The following PSMA1 variants were observed in gnomAD, a reference collection of about 807,000 sequenced individuals.
PSMA1 encodes proteasome subunit alpha type-1.
PSMA1 carries 3 observed loss-of-function variants against 38.4 expected under a neutral mutation model. The observed-to-expected ratio is 0.08, with a 90% confidence interval of 0.04 to 0.20. The LOEUF is 0.20. Among genes scored for constraint, PSMA1 ranks in the 10% least tolerant of loss-of-function variants. The probability of loss-of-function intolerance (pLI) is 1.00; values close to 1 mark genes in which losing one functional copy is unlikely to be tolerated. For synonymous variants in PSMA1, 101 were observed against 107.1 expected (o/e 0.94, Z 0.35); for missense variants, 227 against 325.3 (o/e 0.70, Z 2.32).
intron 1 of PSMA1, among the ~76,000 whole-genome samples, chr11:14,613,534 G>T (rs569803647): frequency 6.6e-6 from 1 of 152,090 alleles, no homozygotes; most frequent in East Asian, 1.9e-4. Context: ...GATTATAGGC[G>T]TGAGCACTGT....
intron 1 of PSMA1, among the ~76,000 whole-genome samples, chr11:14,638,828 C>T (rs1297398759): frequency 6.6e-6 from 1 of 150,804 alleles, no homozygotes; most frequent in African/African-American, 2.4e-5. Context: ...CTGCCACCGT[C>T]GTGGCTGTGA....
intron 2 of PSMA1, among the ~76,000 whole-genome samples, chr11:14,592,376 C>CTCTCTATATA (rs1201045926): frequency 3.3e-5 from 4 of 122,376 alleles, no homozygotes; most frequent in African/African-American, 1.3e-4. Context: ...CTCTCTCTCT[C>CTCTCTATATA]TATATATATA....
intron 1 of PSMA1, among the ~76,000 whole-genome samples, chr11:14,621,689 T>G (rs1852845718): frequency 6.6e-6 from 1 of 152,234 alleles, no homozygotes; most frequent in Non-Finnish European, 1.5e-5. Context: ...TTTCCAGCTT[T>G]ACAATCAGTT....
At chr11:14,598,083 T>C (rs141334613) in intron 2 of PSMA1, among the ~76,000 whole-genome samples, 22 of 152,324 alleles carry the variant, frequency 1.4e-4, no homozygotes, top group South Asian at 1.0e-3. Flanking sequence ...TAGTCCTGAG[T>C]TCTAATTTGA....
chr11:14,622,663 G>C (rs1027391795), intron 1 of PSMA1, among the ~76,000 whole-genome samples: 5 of 152,190 alleles, frequency 3.3e-5, no homozygotes, highest in Non-Finnish European at 7.3e-5. Context: ...GTGGCTGGTA[G>C]GCCTCTTTGG....
At chr11:14,623,848 T>C (rs756833235) in intron 1 of PSMA1, among the ~76,000 whole-genome samples, 16 of 152,194 alleles carry the variant, frequency 1.1e-4, no homozygotes, top group Non-Finnish European at 1.9e-4. Context: ...CAGAGATCAA[T>C]GCTGTTATAT....
intron 2 of PSMA1, among the ~76,000 whole-genome samples, chr11:14,589,350 T>G (rs1264212610): frequency 1.4e-5 from 2 of 140,410 alleles, no homozygotes; most frequent in East Asian, 4.2e-4. Flanking sequence ...TATGTGTGTG[T>G]GTATATATAT....
chr11:14,531,364 G>A (rs1484286260), intron 2 of PSMA1, among the ~76,000 whole-genome samples: 1 of 152,120 alleles, frequency 6.6e-6, no homozygotes, highest in Non-Finnish European at 1.5e-5. Flanking sequence ...GCATTTATAA[G>A]TGAGAACATG....
At chr11:14,530,549 T>G (rs1851636347) in intron 2 of PSMA1, among the ~76,000 whole-genome samples, 1 of 152,202 alleles carries the variant, frequency 6.6e-6, no homozygotes, top group Non-Finnish European at 1.5e-5. Context: ...TAATGTTTCA[T>G]ATTTATCTTT....
chr11:14,570,604 A>C (rs1454292501), intron 2 of PSMA1, among the ~76,000 whole-genome samples: 1 of 152,244 alleles, frequency 6.6e-6, no homozygotes, highest in Non-Finnish European at 1.5e-5. Context: ...AGTGGAGGAA[A>C]GGAGTGATTG....
At chr11:14,594,764 C>CT (rs1030120229) in intron 2 of PSMA1, among the ~76,000 whole-genome samples, 5 of 151,832 alleles carry the variant, frequency 3.3e-5, no homozygotes, top group African/African-American at 1.2e-4. Context: ...CATAACGTTT[C>CT]TTTTTTTTAT....
intron 2 of PSMA1, among the ~76,000 whole-genome samples, chr11:14,580,707 G>T (rs756039572): frequency 6.6e-6 from 1 of 152,186 alleles, no homozygotes; most frequent in Non-Finnish European, 1.5e-5. Context: ...GTGATAGTGG[G>T]ATCCAGGCTT....
intron 2 of PSMA1, among the ~76,000 whole-genome samples, chr11:14,548,021 C>T (rs1301264946): frequency 1.3e-5 from 2 of 151,724 alleles, no homozygotes; most frequent in Non-Finnish European, 1.5e-5. Context: ...ATATACAACA[C>T]ACACACACAC....
chr11:14,590,136 A>C (rs1386109773), intron 2 of PSMA1, among the ~76,000 whole-genome samples: 1 of 152,242 alleles, frequency 6.6e-6, no homozygotes, highest in South Asian at 2.1e-4. Flanking sequence ...TGAGGTACCT[A>C]GAGTAGTCAA....
intron 1 of PSMA1, among the ~76,000 whole-genome samples, chr11:14,620,126 A>G (rs1371956506): frequency 2.0e-5 from 3 of 152,072 alleles, no homozygotes; most frequent in Non-Finnish European, 4.4e-5. Flanking sequence ...GCATTATAAC[A>G]TACCCCAAAG....
Position 14,642,129 on chromosome 11 carries a change from T to C in PSMA1, c.-166+1326A>G, listed in dbSNP as rs543795838. ...CGCACATGCACACACACACACCTGT[T>C]AATCTGAATTTGTTCTAATTTTCAA... On this transcript the variant is annotated intron_variant, in intron 1 of 10. Transcript: ENST00000418988. 3.9e-5 allele frequency among the ~76,000 whole-genome samples: 6 copies of C among 152,320 alleles called. No homozygotes were observed. The East Asian group carries it at 1.2e-3, about 29-fold the overall frequency.
At chr11:14,579,944 CTGAT>C (rs539405665) in intron 2 of PSMA1, among the ~76,000 whole-genome samples, 192 of 152,250 alleles carry the variant, frequency 1.3e-3, no homozygotes, top group African/African-American at 4.2e-3. Context: ...TCAAGGTACA[CTGAT>C]TGTGTGCTGA....
chr11:14,603,499 T>C (rs1852608920), intron 2 of PSMA1, among the ~76,000 whole-genome samples: 2 of 152,208 alleles, frequency 1.3e-5, no homozygotes, highest in African/African-American at 4.8e-5. Flanking sequence ...TTGTTTTTTA[T>C]TGCACCCGAT....
At chr11:14,592,293 C>T (rs1203116209) in intron 2 of PSMA1, among the ~76,000 whole-genome samples, 2 of 152,106 alleles carry the variant, frequency 1.3e-5, no homozygotes, top group Admixed American at 6.6e-5. Flanking sequence ...GCTGCTCGCT[C>T]CTCCTCGTCC....
Sources: allele counts gnomAD v4.1 joint callset (sites outside exome capture counted in the v4.1 genomes callset), GRCh38; gene constraint gnomAD v4.1.1; transcripts MANE v1.5; gene names NCBI Gene and HGNC (gene_info 2026-07-23, HGNC 2026-07-21).